The following NBEA variants were observed in gnomAD, a reference collection of about 807,000 sequenced individuals.
NBEA encodes neurobeachin.
NBEA carries 44 observed loss-of-function variants against 343.4 expected under a neutral mutation model. That is an observed-to-expected ratio of 0.13 (90% CI 0.10 to 0.16). NBEA has a LOEUF of 0.16. Ranked by LOEUF, NBEA falls within the 10% of genes least tolerant of loss-of-function variation. The probability of loss-of-function intolerance (pLI) is 1.00; values close to 1 mark genes in which losing one functional copy is unlikely to be tolerated. For synonymous variants in NBEA, 1,175 were observed against 1,238.7 expected (o/e 0.95, Z 1.08); for missense variants, 2,555 against 3,631.3 (o/e 0.70, Z 7.62).
At chr13:35,064,558 T>C (rs1160066959) in intron 8 of NBEA, among the ~76,000 whole-genome samples, 1 of 152,030 alleles carries the variant, frequency 6.6e-6, no homozygotes, top group African/African-American at 2.4e-5. Context: ...CATCTTGCCA[T>C]TTTTAAAATA....
At chr13:35,364,697 C>G (rs2041004180) in intron 38 of NBEA, among the ~76,000 whole-genome samples, 1 of 151,684 alleles carries the variant, frequency 6.6e-6, no homozygotes, top group African/African-American at 2.4e-5. Context: ...TGTTGATTTA[C>G]CCAAGATAAA....
rs1207775620 is a variant in NBEA at position 35,159,804 on chromosome 13, TACA to T, written c.3636_3638del (p.Thr1213del). On this transcript the variant is annotated inframe_deletion, in exon 22 of 59. Coordinates refer to ENST00000379939, the MANE Select transcript of NBEA (RefSeq NM_001385012.1). ...TAGAAGAAAAAGAATTCAAAATCCA[TACA>T]ACTTCAGATGGAATGAGCAGTATTT... 2 of 1,611,594 alleles carry T rather than the reference TACA, an allele frequency of 1.2e-6. No individual in the cohort carries two copies. The highest frequency in any genetic ancestry group is 4.5e-5 in the East Asian group (2 of 44,720).
At chr13:35,546,962 G>A (rs558918674) in intron 41 of NBEA, among the ~76,000 whole-genome samples, 2 of 152,226 alleles carry the variant, frequency 1.3e-5, no homozygotes, top group South Asian at 4.2e-4. Flanking sequence ...AGCAGGGAAA[G>A]CAGGAGGTGG....
At chr13:35,217,840 C>T (rs2074149827) in intron 33 of NBEA, among the ~76,000 whole-genome samples, 1 of 152,046 alleles carries the variant, frequency 6.6e-6, no homozygotes, top group African/African-American at 2.4e-5. Flanking sequence ...GTTGCAGCTC[C>T]TTCATAATTA....
At chr13:35,158,914 C>G (rs2069366981) in intron 21 of NBEA, 102 bp from the exon 22 acceptor site, 11 of 1,084,200 alleles carry the variant, frequency 1.0e-5, no homozygotes, top group South Asian at 1.9e-5. Flanking sequence ...CTTAAACTTT[C>G]TGGCATTATT....
chr13:35,203,427 T>C lies in NBEA; in HGVS notation c.5367-5273T>C, dbSNP rs1241029614. The stretch of plus-strand genomic sequence containing the variant: ...TGTCAATCTTCTCTGAGCCGCCCTT[T>C]CAACATTATTCCTTCTTCTTATCTA... On this transcript the variant is annotated intron_variant, in intron 31 of 58. Coordinates refer to ENST00000379939, the MANE Select transcript of NBEA (RefSeq NM_001385012.1). Among the ~76,000 whole-genome samples the C allele has an allele frequency of 2.0e-5, 3 of 152,152 alleles. No individual in the cohort carries two copies. The East Asian group carries it at 5.8e-4, about 29-fold the overall frequency.
At chr13:35,337,341 A>G (rs1261233768) in intron 36 of NBEA, among the ~76,000 whole-genome samples, 2 of 152,098 alleles carry the variant, frequency 1.3e-5, no homozygotes, top group Non-Finnish European at 2.9e-5. Context: ...ATAGAACTCA[A>G]AAGAACGGAT....
At chr13:35,131,749 T>TC (rs1280460159) in intron 17 of NBEA, among the ~76,000 whole-genome samples, 1 of 152,184 alleles carries the variant, frequency 6.6e-6, no homozygotes, top group Admixed American at 6.5e-5. Context: ...TGCAGCATTC[T>TC]CCAAAAGGTA....
chr13:34,987,819 C>G (rs370923792), intron 1 of NBEA, among the ~76,000 whole-genome samples: 3 of 151,152 alleles, frequency 2.0e-5, no homozygotes, highest in African/African-American at 7.3e-5. Context: ...TCACATAGTT[C>G]TCATGCCATG....
At chr13:35,079,901 C>T (rs912407105) in intron 10 of NBEA, among the ~76,000 whole-genome samples, 2 of 151,914 alleles carry the variant, frequency 1.3e-5, no homozygotes, top group Non-Finnish European at 2.9e-5. Flanking sequence ...TGGTTTTATA[C>T]TTTTTCTATA....
At chr13:35,232,863 G>A (rs1278553718) in intron 34 of NBEA, among the ~76,000 whole-genome samples, 1 of 151,968 alleles carries the variant, frequency 6.6e-6, no homozygotes, top group Admixed American at 6.6e-5. Flanking sequence ...AGAATGGGAG[G>A]CTTTGGCTCT....
At chr13:35,189,534 A>T (rs2072014033) in intron 30 of NBEA, among the ~76,000 whole-genome samples, 1 of 151,926 alleles carries the variant, frequency 6.6e-6, no homozygotes, top group Admixed American at 6.6e-5. Flanking sequence ...TTTTAATAGG[A>T]TTTATGAGAA....
At chr13:35,274,173 T>C (rs2034408758) in intron 34 of NBEA, among the ~76,000 whole-genome samples, 1 of 152,074 alleles carries the variant, frequency 6.6e-6, no homozygotes, top group East Asian at 1.9e-4. Context: ...CCATGGTCAA[T>C]TCAGCTCCAC....
intron 34 of NBEA, among the ~76,000 whole-genome samples, chr13:35,239,759 G>C (rs2029891455): frequency 6.6e-6 from 1 of 151,958 alleles, no homozygotes; most frequent in South Asian, 2.1e-4. Context: ...AACCAAGTCA[G>C]TAGCAGTGAG....
chr13:35,143,210 G>A (rs912417996), intron 18 of NBEA, among the ~76,000 whole-genome samples: 1 of 152,216 alleles, frequency 6.6e-6, no homozygotes, highest in African/African-American at 2.4e-5. Context: ...ACACTCATTT[G>A]TTTAGCTGTT....
At chr13:35,312,788 CAGCTTT>C (rs1343516195) in intron 36 of NBEA, among the ~76,000 whole-genome samples, 1 of 152,134 alleles carries the variant, frequency 6.6e-6, no homozygotes, top group East Asian at 1.9e-4. Flanking sequence ...ATTTTGATGT[CAGCTTT>C]AGTAACTAAT....
At chr13:35,238,207 G>T (rs543403472) in intron 34 of NBEA, among the ~76,000 whole-genome samples, 1 of 152,306 alleles carries the variant, frequency 6.6e-6, no homozygotes, top group East Asian at 1.9e-4. Context: ...CATTGTTTAT[G>T]TTCTATTGGG....
rs113217853 is a variant in NBEA, at chr13:35,108,934, A to G, written c.1681-356A>G. Reference sequence around the variant, plus strand: ...AGTATTTTTACATATTTTAAACACTATCACTTTTTATTTCTATGTCTAAGA... The same window carrying G: ...AGTATTTTTACATATTTTAAACACTGTCACTTTTTATTTCTATGTCTAAGA... On this transcript the variant is annotated intron_variant, in intron 11 of 58. Transcript: ENST00000379939. 1.2e-3 allele frequency among the ~76,000 whole-genome samples: 179 copies of G among 152,238 alleles called. 1 individual carries two copies. The highest frequency in any genetic ancestry group is 4.0e-3 in the African/African-American group (166 of 41,574).
intron 35 of NBEA, among the ~76,000 whole-genome samples, chr13:35,296,664 C>T (rs1566581066): frequency 6.6e-6 from 1 of 151,798 alleles, no homozygotes; most frequent in Non-Finnish European, 1.5e-5. Context: ...GTTTATTTTT[C>T]TTTAATCTTT....
Sources: gnomAD v4.1 joint callset for allele counts (sites outside exome capture counted in the v4.1 genomes callset) on GRCh38, gnomAD v4.1.1 for gene constraint, MANE v1.5 for transcripts, NCBI Gene and HGNC (gene_info 2026-07-23, HGNC 2026-07-21) for gene names.